The following CSGALNACT1 variants were observed in gnomAD, a reference collection of about 807,000 sequenced individuals.
CSGALNACT1 encodes the protein chondroitin sulfate N-acetylgalactosaminyltransferase 1, also known as beta4GalNAcT-1.
A neutral mutation model predicts 51.0 loss-of-function variants in CSGALNACT1; 52 were observed. The observed-to-expected ratio is 1.02, with a 90% CI of 0.82 to 1.29. The LOEUF (loss-of-function observed/expected upper bound fraction) is 1.29. CSGALNACT1 is among the 50% of genes most tolerant of loss of function. The pLI is 0.00. For missense variants in CSGALNACT1, 935 were observed against 679.2 expected (o/e 1.38, Z -4.19); for synonymous variants, 341 against 254.4 (o/e 1.34, Z -3.24).
chr8:19,731,667 T>C (rs1472017818), intron 1 of CSGALNACT1, among the ~76,000 whole-genome samples: 1 of 152,202 alleles, frequency 6.6e-6, no homozygotes, highest in Non-Finnish European at 1.5e-5. Context: ...GGATAGAAGA[T>C]GGTTGCACAA....
Position 19,570,092 on chromosome 8 carries a change from A to AT in CSGALNACT1, c.-297+21067dup, listed in dbSNP as rs35994246. On this transcript the variant is annotated intron_variant, in intron 3 of 9. Coordinates refer to ENST00000454498, the Ensembl canonical transcript of CSGALNACT1. ...GGAAGGGAGGGTAGATTGGGGGCCT[A>AT]TTTTTTTTTTTTGGTTCTAGAAGTG... 8.2e-3 allele frequency among the ~76,000 whole-genome samples: 1,185 copies of AT among 144,486 alleles called. 9 individuals carry two copies. The highest frequency in any genetic ancestry group is 0.014 in the Admixed American group (202 of 14,438). 94.8% of individuals were successfully genotyped at this position (144,486 alleles called of 152,430 possible).
chr8:19,643,379 G>A (rs2056936416), intron 1 of CSGALNACT1, among the ~76,000 whole-genome samples: 1 of 152,180 alleles, frequency 6.6e-6, no homozygotes, highest in African/African-American at 2.4e-5. Context: ...GCTCATGCCT[G>A]TAATCTCATC....
intron 6 of CSGALNACT1, among the ~76,000 whole-genome samples, chr8:19,434,752 G>A (rs924888550): frequency 1.3e-5 from 2 of 151,908 alleles, no homozygotes; most frequent in South Asian, 2.1e-4. Context: ...CCCAGGGTCC[G>A]AGACTAATTA....
intron 8 of CSGALNACT1, among the ~76,000 whole-genome samples, chr8:19,409,816 A>C (rs550639342): frequency 3.3e-5 from 5 of 152,286 alleles, no homozygotes; most frequent in African/African-American, 1.2e-4. Context: ...CAATGTGACC[A>C]CTGGCTGGCT....
chr8:19,674,451 A>G (rs1183024456), intron 1 of CSGALNACT1, among the ~76,000 whole-genome samples: 3 of 152,186 alleles, frequency 2.0e-5, no homozygotes, highest in Non-Finnish European at 4.4e-5. Context: ...AAGAAGGAAA[A>G]AGACCCTGAG....
At chr8:19,426,794 T>A (rs1255230754) in intron 6 of CSGALNACT1, among the ~76,000 whole-genome samples, 1 of 152,218 alleles carries the variant, frequency 6.6e-6, no homozygotes, top group Non-Finnish European at 1.5e-5. Context: ...TTGACTTGCA[T>A]TTCCCAGAAT....
chr8:19,423,117 G>C (rs572609042), intron 6 of CSGALNACT1, among the ~76,000 whole-genome samples: 66 of 152,244 alleles, frequency 4.3e-4, no homozygotes, highest in African/African-American at 1.5e-3. Flanking sequence ...TACTACAGGA[G>C]AGTTCAACTA....
intron 3 of CSGALNACT1, among the ~76,000 whole-genome samples, chr8:19,590,368 G>C (rs895306551): frequency 6.6e-6 from 1 of 152,174 alleles, no homozygotes; most frequent in Admixed American, 6.5e-5. Context: ...ACATTAGATT[G>C]AGCTACATTC....
intron 1 of CSGALNACT1, among the ~76,000 whole-genome samples, chr8:19,619,068 G>C (rs1401368735): frequency 1.3e-5 from 2 of 152,124 alleles, no homozygotes; most frequent in Non-Finnish European, 2.9e-5. Flanking sequence ...TATTTCCCCT[G>C]CCATAAATCA....
intron 1 of CSGALNACT1, among the ~76,000 whole-genome samples, chr8:19,725,120 CAGA>C (rs1459520762): frequency 2.0e-5 from 3 of 152,322 alleles, no homozygotes; most frequent in African/African-American, 7.2e-5. Context: ...AAAAAAACTA[CAGA>C]AGATCAGAAG....
intron 1 of CSGALNACT1, among the ~76,000 whole-genome samples, chr8:19,654,276 G>A (rs2058073914): frequency 6.6e-6 from 1 of 152,212 alleles, no homozygotes; most frequent in African/African-American, 2.4e-5. Flanking sequence ...GTCATGTCCA[G>A]TTAGCATGGT....
At chr8:19,674,132 A>G (rs989064186) in intron 1 of CSGALNACT1, among the ~76,000 whole-genome samples, 10 of 152,206 alleles carry the variant, frequency 6.6e-5, no homozygotes, top group African/African-American at 2.4e-4. Context: ...TACTAAAAAT[A>G]CGAAAAAAGA....
chr8:19,478,968 C>A (rs2070589598), intron 4 of CSGALNACT1, among the ~76,000 whole-genome samples: 1 of 152,128 alleles, frequency 6.6e-6, no homozygotes, highest in African/African-American at 2.4e-5. Context: ...AGAAGAAATA[C>A]TGAGAAGCAG....
intron 1 of CSGALNACT1, among the ~76,000 whole-genome samples, chr8:19,673,301 G>C (rs755398874): frequency 6.6e-6 from 1 of 152,216 alleles, no homozygotes; most frequent in Non-Finnish European, 1.5e-5. Flanking sequence ...TAACCTGGCT[G>C]TGTTTCAAAG....
At chr8:19,701,152 C>CA (rs1230956394) in intron 1 of CSGALNACT1, among the ~76,000 whole-genome samples, 4 of 54,322 alleles carry the variant, frequency 7.4e-5, no homozygotes, top group Admixed American at 2.2e-4. Flanking sequence ...ATCTATTATC[C>CA]GTTTTTTTTT....
At chr8:19,680,949 T>C (rs2060571336) in intron 1 of CSGALNACT1, among the ~76,000 whole-genome samples, 1 of 152,096 alleles carries the variant, frequency 6.6e-6, no homozygotes, top group Non-Finnish European at 1.5e-5. Context: ...ACCACAGTTG[T>C]ATATGTGGTC....
exon 10 of CSGALNACT1, chr8:19,404,753 G>C: frequency 2.2e-6 from 1 of 454,508 alleles, no homozygotes; most frequent in Non-Finnish European, 4.4e-6. Context: ...CTACTTCTGA[G>C]GAGAAAATGT....
intron 5 of CSGALNACT1, among the ~76,000 whole-genome samples, chr8:19,442,391 A>T (rs1199144106): frequency 2.6e-5 from 4 of 152,152 alleles, no homozygotes; most frequent in Non-Finnish European, 5.9e-5. Flanking sequence ...ATGCAGCCAT[A>T]AAAAAATGAA....
chr8:19,531,040 C>T (rs571662822), intron 3 of CSGALNACT1, among the ~76,000 whole-genome samples: 7 of 152,278 alleles, frequency 4.6e-5, no homozygotes, highest in African/African-American at 1.7e-4. Context: ...AGAATCTGAA[C>T]CCGTGGTTTC....
Sources: allele counts gnomAD v4.1 joint callset (sites outside exome capture counted in the v4.1 genomes callset), GRCh38; gene constraint gnomAD v4.1.1; transcripts MANE v1.5; gene names NCBI Gene and HGNC (gene_info 2026-07-23, HGNC 2026-07-21).